HDAC9: variants seen among roughly 807,000 people sequenced by gnomAD.
HDAC9 encodes the protein histone deacetylase 9.
A neutral mutation model predicts 139.4 loss-of-function variants in HDAC9; 41 were observed. That is an observed-to-expected ratio of 0.29 (90% CI 0.23 to 0.38). The LOEUF is 0.38. Among genes scored for constraint, HDAC9 ranks in the 10% least tolerant of loss-of-function variants. HDAC9 has a pLI of 1.00. For synonymous variants in HDAC9, 517 were observed against 476.2 expected, an observed-to-expected ratio of 1.09 and a Z score of -1.12; for missense variants, 1,147 against 1,297.0, an observed-to-expected ratio of 0.88 and a Z score of 1.78.
chr7:18,660,121 A>G (rs986105501), intron 11 of HDAC9, among the ~76,000 whole-genome samples: 2 of 152,222 alleles, frequency 1.3e-5, no homozygotes, highest in Admixed American at 6.5e-5. Flanking sequence ...TTTATAGGAA[A>G]TAATTCAAAT....
chr7:18,550,795 T>C (rs1246516955), intron 2 of HDAC9, among the ~76,000 whole-genome samples: 1 of 151,038 alleles, frequency 6.6e-6, no homozygotes, highest in African/African-American at 2.4e-5. Flanking sequence ...GAGAGGAGAG[T>C]AGGTGCAGGT....
upstream of HDAC9, among the ~76,000 whole-genome samples, chr7:18,492,331 G>C (rs1586267718): frequency 6.6e-6 from 1 of 151,912 alleles, no homozygotes; most frequent in Admixed American, 6.6e-5. Flanking sequence ...TTGTGAGCTA[G>C]AGGTCTGAGG....
intron 13 of HDAC9, among the ~76,000 whole-genome samples, chr7:18,743,902 TA>T (rs1276574506): frequency 1.3e-5 from 2 of 151,834 alleles, no homozygotes; most frequent in East Asian, 3.9e-4. Context: ...ATTCCGTCTT[TA>T]AAAAAATTTT....
intron 2 of HDAC9, among the ~76,000 whole-genome samples, chr7:18,195,344 C>T (rs1207232205): frequency 2.0e-5 from 3 of 151,918 alleles, no homozygotes; most frequent in Non-Finnish European, 4.4e-5. Context: ...TACCATATAC[C>T]CCCATATTAC....
At chr7:18,617,350 T>A (rs1838918773) in intron 6 of HDAC9, among the ~76,000 whole-genome samples, 1 of 151,980 alleles carries the variant, frequency 6.6e-6, no homozygotes. Flanking sequence ...CTCTCTCAAC[T>A]CTCCCCAGTC....
At chr7:18,273,056 G>GTTTTTTTTTTTTTTTT (rs746089054) in intron 2 of HDAC9, among the ~76,000 whole-genome samples, 1 of 84,784 alleles carries the variant, frequency 1.2e-5, no homozygotes, top group African/African-American at 6.0e-5. Context: ...CCCCTTCTTC[G>GTTTTTTTTTTTTTTTT]TTTTTTTTTT....
chr7:18,995,253 C>G (rs1393923943), intron 25 of HDAC9, among the ~76,000 whole-genome samples: 1 of 152,186 alleles, frequency 6.6e-6, no homozygotes, highest in Non-Finnish European at 1.5e-5. Context: ...CATCTCATAT[C>G]CCAGTAATCT....
At chr7:18,149,496 C>T (rs1345117746) in intron 1 of HDAC9, among the ~76,000 whole-genome samples, 1 of 150,238 alleles carries the variant, frequency 6.7e-6, no homozygotes, top group Non-Finnish European at 1.5e-5. Context: ...ACTGGGACTA[C>T]AGGCACGTAC....
At chr7:18,939,371 A>C (rs1781867848) in intron 23 of HDAC9, among the ~76,000 whole-genome samples, 1 of 152,212 alleles carries the variant, frequency 6.6e-6, no homozygotes, top group Non-Finnish European at 1.5e-5. Context: ...TGGAAGAACA[A>C]AGTTAAGAAA....
At position 18,314,926 on chromosome 7, in the gene HDAC9, A is replaced by G. The variant is rs574338314; in HGVS notation, c.-42+24411A>G. ...AATAAATATGTGTTAAGTAGTTAAT[A>G]TGAGCAAGGAACAGTGAGAAATAAA... On this transcript the variant is annotated intron_variant, in intron 1 of 3. Coordinates refer to the HDAC9 transcript ENST00000413509. 2.6e-5 allele frequency among the ~76,000 whole-genome samples: 4 copies of G among 152,344 alleles called. No homozygotes were observed. In the East Asian group the frequency reaches 7.7e-4, roughly 29 times the overall value.
At chr7:18,540,922 C>T (rs1364895929) in intron 2 of HDAC9, among the ~76,000 whole-genome samples, 2 of 152,032 alleles carry the variant, frequency 1.3e-5, no homozygotes, top group African/African-American at 4.8e-5. Flanking sequence ...AAGATAGATA[C>T]TATTATTTCC....
intron 25 of HDAC9, among the ~76,000 whole-genome samples, chr7:18,983,447 G>GT (rs1190394314): frequency 3.9e-5 from 6 of 151,986 alleles, no homozygotes; most frequent in Non-Finnish European, 8.8e-5. Context: ...CCTATTTTCA[G>GT]TTTTTTTGGA....
intron 2 of HDAC9, among the ~76,000 whole-genome samples, chr7:18,503,022 C>T (rs776072076): frequency 6.6e-6 from 1 of 152,050 alleles, no homozygotes; most frequent in Non-Finnish European, 1.5e-5. Flanking sequence ...GAATCATGAA[C>T]AATTTTTACA....
chr7:18,369,300 T>C (rs1562925487), intron 1 of HDAC9, among the ~76,000 whole-genome samples: 1 of 152,082 alleles, frequency 6.6e-6, no homozygotes, highest in Non-Finnish European at 1.5e-5. Flanking sequence ...AAAATTCTTT[T>C]AGTGACCTCA....
intron 12 of HDAC9, among the ~76,000 whole-genome samples, chr7:18,691,492 G>T (rs1229069123): frequency 6.6e-6 from 1 of 151,880 alleles, no homozygotes; most frequent in Non-Finnish European, 1.5e-5. Context: ...TTAATGTCTT[G>T]TTACCGTGAG....
At chr7:18,255,124 T>C (rs890305293) in intron 2 of HDAC9, among the ~76,000 whole-genome samples, 2 of 152,190 alleles carry the variant, frequency 1.3e-5, no homozygotes. Context: ...TAATAGACAT[T>C]TAAAGACTAA....
At chr7:18,194,972 G>C (rs890557694) in intron 2 of HDAC9, among the ~76,000 whole-genome samples, 2 of 151,676 alleles carry the variant, frequency 1.3e-5, no homozygotes, top group Non-Finnish European at 2.9e-5. Flanking sequence ...GGTGTTCTTG[G>C]CATTATAAGG....
In HDAC9 at chr7:18,271,178, T is replaced by C. The variant is rs575415770; in HGVS notation, c.25+108829T>C. 2.6e-5 allele frequency among the ~76,000 whole-genome samples: 4 copies of C among 152,318 alleles called. No individual in the cohort carries two copies. In the East Asian group the frequency reaches 7.7e-4, roughly 29 times the overall value. On this transcript the variant is annotated intron_variant, in intron 2 of 12. Transcript: ENST00000417496. ...TAATGCTTTCTTGTAGAACGTGTAA[T>C]TGGGGAAGAAAACATAGATGTTGCA...
At chr7:18,767,178 C>A (rs773569708) in intron 16 of HDAC9, 23 bp downstream of exon 16, 5 of 1,427,954 alleles carry the variant, frequency 3.5e-6, no homozygotes, top group South Asian at 2.6e-5. Context: ...TGGTTTACTG[C>A]CTTTAAATAA....
Sources: allele counts gnomAD v4.1 joint callset (sites outside exome capture counted in the v4.1 genomes callset), GRCh38; gene constraint gnomAD v4.1.1; transcripts MANE v1.5; gene names NCBI Gene and HGNC (gene_info 2026-07-23, HGNC 2026-07-21).